CCDC148: variants seen among roughly 807,000 people sequenced by gnomAD.
CCDC148 encodes the protein coiled-coil domain-containing protein 148.
Under a neutral mutation model 85.7 loss-of-function variants are expected in CCDC148, and 89 were observed. The ratio of observed to expected loss-of-function variants is 1.04; its 90% confidence interval spans 0.87 to 1.24. The LOEUF is 1.24. Ranked by LOEUF, CCDC148 falls within the 50% of genes most tolerant of loss-of-function variation. CCDC148 has a pLI of 0.00. For synonymous variants in CCDC148, 230 were observed against 213.9 expected (o/e 1.08, Z -0.66); for missense variants, 692 against 671.7 (o/e 1.03, Z -0.33).
chr2:158,412,204 C>T (rs1686292212), intron 1 of CCDC148, among the ~76,000 whole-genome samples: 1 of 152,214 alleles, frequency 6.6e-6, no homozygotes, highest in Admixed American at 6.5e-5. Flanking sequence ...TTGTGGTGGC[C>T]TAGGTGATGG....
chr2:158,357,652 G>A (rs773913839), intron 2 of CCDC148, among the ~76,000 whole-genome samples: 5 of 151,968 alleles, frequency 3.3e-5, no homozygotes, highest in South Asian at 4.1e-4. Flanking sequence ...TTAAGTGGTC[G>A]CCTTAGTTTG....
chr2:158,299,161 A>G (rs1691330133), intron 9 of CCDC148, among the ~76,000 whole-genome samples: 1 of 152,088 alleles, frequency 6.6e-6, no homozygotes, highest in Non-Finnish European at 1.5e-5. Flanking sequence ...ATGTCTAGAG[A>G]GTTCACCAAG....
chr2:158,447,464 T>C (rs1003401229), intron 1 of CCDC148: 8 of 152,194 alleles, frequency 5.3e-5, no homozygotes, highest in African/African-American at 1.9e-4. Flanking sequence ...TGTCTGGCTA[T>C]GTTTATGTTT....
chr2:158,360,622 G>C (rs938770646), intron 1 of CCDC148, among the ~76,000 whole-genome samples: 1 of 152,096 alleles, frequency 6.6e-6, no homozygotes, highest in African/African-American at 2.4e-5. Flanking sequence ...GAAAGGAATA[G>C]CATCAACATC....
chr2:158,386,632 G>C (rs905027822), intron 1 of CCDC148, among the ~76,000 whole-genome samples: 1 of 151,860 alleles, frequency 6.6e-6, no homozygotes, highest in Admixed American at 6.6e-5. Flanking sequence ...ATGATCTTTG[G>C]AACTATCATC....
At chr2:158,432,160 C>T (rs1390849750) in intron 1 of CCDC148, among the ~76,000 whole-genome samples, 1 of 149,670 alleles carries the variant, frequency 6.7e-6, no homozygotes, top group Non-Finnish European at 1.5e-5. Flanking sequence ...TATCATAGTA[C>T]AGATAAAGTA....
chr2:158,206,068 C>A (rs994545645), intron 11 of CCDC148, among the ~76,000 whole-genome samples: 1 of 152,024 alleles, frequency 6.6e-6, no homozygotes, highest in Non-Finnish European at 1.5e-5. Flanking sequence ...ATGTGGTAGG[C>A]ATTGTAGTGA....
intron 10 of CCDC148, among the ~76,000 whole-genome samples, chr2:158,232,618 T>C (rs1027219283): frequency 3.9e-5 from 6 of 152,168 alleles, no homozygotes; most frequent in African/African-American, 1.4e-4. Context: ...TGTTGAATCT[T>C]TGAACAAATA....
chr2:158,320,745 T>G (rs1041764800), intron 7 of CCDC148, among the ~76,000 whole-genome samples: 1 of 152,156 alleles, frequency 6.6e-6, no homozygotes, highest in Admixed American at 6.5e-5. Flanking sequence ...TCACACCCAG[T>G]GAAGAATAGA....
chr2:158,422,384 C>T (rs1264915969), intron 1 of CCDC148, among the ~76,000 whole-genome samples: 1 of 152,154 alleles, frequency 6.6e-6, no homozygotes, highest in Admixed American at 6.5e-5. Flanking sequence ...AGCTTATTCA[C>T]CATGATCAAG....
intron 9 of CCDC148, among the ~76,000 whole-genome samples, chr2:158,296,955 C>G (rs550131921): frequency 3.9e-5 from 6 of 152,306 alleles, no homozygotes; most frequent in Non-Finnish European, 8.8e-5. Flanking sequence ...CCTCAGAGCT[C>G]TCTTTCTTCT....
At position 158,174,634 on chromosome 2, in the gene CCDC148, G is replaced by A. The variant is rs72934258; in HGVS notation, c.1629+1887C>T. ...ATGGTACAGCCTTCTACACACCTAG[G>A]TTATATGATATAGGCCATTGCTCCT... is the stretch of plus-strand genomic sequence containing the variant. On this transcript the variant is annotated intron_variant, in intron 13 of 13. Coordinates refer to ENST00000283233, the MANE Select transcript of CCDC148 (RefSeq NM_138803.4). Among the ~76,000 whole-genome samples the A allele has an allele frequency of 6.9e-3, 1,051 of 152,074 alleles. 6 individuals carry two copies. Among genetic ancestry groups the A allele is most frequent in the Admixed American group, 0.013 (191 of 15,238 alleles).
At position 158,204,753 on chromosome 2, in the gene CCDC148, T is replaced by C. The variant is rs546825032; in HGVS notation, c.1370+15842A>G. Reference sequence around the variant, plus strand: ...CTGTCCAAATTCATCTCAGCAGGCATCATGAAAACATACACCAAGAAGACA... The same window carrying C: ...CTGTCCAAATTCATCTCAGCAGGCACCATGAAAACATACACCAAGAAGACA... On this transcript the variant is annotated intron_variant, in intron 11 of 13. Coordinates refer to ENST00000283233, the MANE Select transcript of CCDC148 (RefSeq NM_138803.4). Among the ~76,000 whole-genome samples, 19 of 152,270 alleles carry C rather than the reference T, an allele frequency of 1.2e-4. No individual in the cohort carries two copies. In the South Asian group the frequency reaches 3.7e-3, roughly 30 times the overall value.
At chr2:158,367,173 G>C (rs1156783519) in intron 1 of CCDC148, among the ~76,000 whole-genome samples, 1 of 152,138 alleles carries the variant, frequency 6.6e-6, no homozygotes, top group Admixed American at 6.6e-5. Flanking sequence ...AGAAAATTTG[G>C]AAAACTGAAG....
At chr2:158,421,851 T>C (rs1254596806) in intron 1 of CCDC148, among the ~76,000 whole-genome samples, 1 of 151,514 alleles carries the variant, frequency 6.6e-6, no homozygotes, top group African/African-American at 2.4e-5. Flanking sequence ...GCAAGACTAA[T>C]AAAGAAGAAA....
intron 2 of CCDC148, among the ~76,000 whole-genome samples, chr2:158,354,064 A>T (rs1288279923): frequency 6.6e-6 from 1 of 152,024 alleles, no homozygotes; most frequent in Admixed American, 6.5e-5. Context: ...AATCTCTGGG[A>T]CACATTCAAA....
chr2:158,275,208 A>G (rs771026866), intron 9 of CCDC148, among the ~76,000 whole-genome samples: 1 of 152,226 alleles, frequency 6.6e-6, no homozygotes, highest in African/African-American at 2.4e-5. Flanking sequence ...CCCAAATCAA[A>G]TGCCAATGAG....
At chr2:158,213,052 T>C (rs1383034501) in intron 11 of CCDC148, among the ~76,000 whole-genome samples, 1 of 152,178 alleles carries the variant, frequency 6.6e-6, no homozygotes, top group Non-Finnish European at 1.5e-5. Context: ...GGTCAGAATT[T>C]TCCCCAGAGA....
intron 9 of CCDC148, among the ~76,000 whole-genome samples, chr2:158,279,328 G>A (rs1031914266): frequency 7.3e-5 from 11 of 151,624 alleles, no homozygotes; most frequent in South Asian, 2.1e-4. Context: ...ATCAAACTAC[G>A]AGCTACAGGA....
Sources: gnomAD v4.1 joint callset for allele counts (sites outside exome capture counted in the v4.1 genomes callset) on GRCh38, gnomAD v4.1.1 for gene constraint, MANE v1.5 for transcripts, NCBI Gene and HGNC (gene_info 2026-07-23, HGNC 2026-07-21) for gene names.